ZNF836: variants seen among roughly 807,000 people sequenced by gnomAD.
The protein encoded by ZNF836 is zinc finger protein 836.
ZNF836 carries 12 observed loss-of-function variants against 7.4 expected under a neutral mutation model. The ratio of observed to expected loss-of-function variants is 1.61; its 90% CI spans 1.03 to 2.61. The LOEUF (loss-of-function observed/expected upper bound fraction) is 2.61, where lower values mean the gene tolerates loss of function less well. ZNF836 is among the 30% of genes most tolerant of loss of function. ZNF836 has a pLI of 0.00. For synonymous variants in ZNF836, 365 were observed against 382.6 expected (o/e 0.95, Z 0.54); for missense variants, 998 against 1,126.2 (o/e 0.89, Z 1.63).
chr19:52,157,577 GT>G (rs768205821), intron 4 of ZNF836, 37 bp from the exon 5 acceptor site: 29,853 of 1,153,564 alleles, frequency 0.026, 185 homozygotes, highest in Non-Finnish European at 0.028. Context: ...TTTTTCGTTG[GT>G]TTTTTTTTTT....
chr19:52,157,969 T>C (rs1356947790), intron 4 of ZNF836, among the ~76,000 whole-genome samples: 1 of 152,116 alleles, frequency 6.6e-6, no homozygotes, highest in African/African-American at 2.4e-5. Context: ...AAAAGTAACG[T>C]TTATACTAGA....
chr19:52,167,990 C>T (rs886415744), intron 3 of ZNF836, 68 bp downstream of exon 3: 17 of 1,227,588 alleles, frequency 1.4e-5, no homozygotes, highest in Non-Finnish European at 1.9e-5. Flanking sequence ...AGAGGAGATT[C>T]GCAACTCCAA....
chr19:52,167,520 C>T (rs556754298), intron 3 of ZNF836, among the ~76,000 whole-genome samples: 5 of 150,604 alleles, frequency 3.3e-5, no homozygotes, highest in African/African-American at 1.2e-4. Context: ...TAAACACCCT[C>T]TATCACTGAC....
At chr19:52,164,816 A>T (rs1369787104) in intron 3 of ZNF836, among the ~76,000 whole-genome samples, 1 of 152,168 alleles carries the variant, frequency 6.6e-6, no homozygotes, top group African/African-American at 2.4e-5. Flanking sequence ...GGCTGGGTTC[A>T]ATGGCTCATG....
At position 52,161,075 on chromosome 19, in the gene ZNF836, A is replaced by C. The variant is rs1347590163; in HGVS notation, c.16-484T>G. 1.3e-5 allele frequency among the ~76,000 whole-genome samples: 2 copies of C among 152,186 alleles called. No individual in the cohort carries two copies. The highest frequency in any genetic ancestry group is 6.5e-5 in the Admixed American group (1 of 15,278). ...CTTTACATGTTCTAATTCAAATAAT[A>C]ACATAATAGATAGAGAGATAGAGAG... On this transcript the variant is annotated intron_variant, in intron 3 of 4. Transcript: ENST00000682614. The surrounding 1 kb of genome is among the most constrained non-coding windows in gnomAD (Gnocchi z 4.1).
At chr19:52,157,654 TC>T in intron 4 of ZNF836, 114 bp from the exon 5 acceptor site, 1 of 1,011,954 alleles carries the variant, frequency 9.9e-7, no homozygotes, top group Non-Finnish European at 1.3e-6. Context: ...CACTGTGACC[TC>T]CACCTCCTGG....
chr19:52,165,000 G>A (rs2089250193), intron 3 of ZNF836, among the ~76,000 whole-genome samples: 1 of 152,148 alleles, frequency 6.6e-6, no homozygotes, highest in African/African-American at 2.4e-5. Flanking sequence ...TGTGGCAGGA[G>A]GATCCCTTAA....
rs139619574 is a variant in ZNF836, at chr19:52,155,469, C to T, written c.2214G>A (p.Thr738=). The change falls in exon 5 of 5, where the codon ACG becomes ACA. Residue 738 remains threonine, a synonymous_variant. Coordinates refer to ENST00000682614, the MANE Select transcript of ZNF836 (RefSeq NM_001102657.3). The part of the protein sequence containing the change: ...GRTFSHITGL[T]YHQRRHTGEM... ...CTCCAGTATGCCTTCTCTGATGGTA[C>T]GTCAGGCCTGTTATATGACTAAAAG... 50 of 1,613,904 alleles carry T rather than the reference C, an allele frequency of 3.1e-5. No individual in the cohort carries two copies. The African/African-American group carries it at 4.3e-4, about 14-fold the overall frequency.
chr19:52,164,817 A>G (rs1483236612), intron 3 of ZNF836, among the ~76,000 whole-genome samples: 2 of 152,104 alleles, frequency 1.3e-5, no homozygotes, highest in Admixed American at 6.6e-5. Context: ...GCTGGGTTCA[A>G]TGGCTCATGC....
intron 3 of ZNF836, 134 bp downstream of exon 3, chr19:52,167,924 T>G: frequency 1.4e-6 from 1 of 706,088 alleles, no homozygotes; most frequent in Non-Finnish European, 2.5e-6. Context: ...TGAGAGAAAC[T>G]GAGGGAAGGC....
chr19:52,167,472 C>CAAAA (rs1165727472), intron 3 of ZNF836, among the ~76,000 whole-genome samples: 16 of 44,036 alleles, frequency 3.6e-4, no homozygotes, highest in African/African-American at 6.7e-4. Flanking sequence ...AACTCCGTCT[C>CAAAA]AAAAAAAAAA....
intron 3 of ZNF836, 43 bp from the exon 4 acceptor site, chr19:52,160,634 C>G (rs772113721): frequency 1.6e-5 from 25 of 1,556,640 alleles, no homozygotes; most frequent in Non-Finnish European, 2.2e-5. Flanking sequence ...TGGGAGAGCT[C>G]TTATCTATAC....
chr19:52,163,932 T>C (rs1241798973), intron 3 of ZNF836, among the ~76,000 whole-genome samples: 1 of 151,756 alleles, frequency 6.6e-6, no homozygotes, highest in East Asian at 1.9e-4. Flanking sequence ...CAGAAAATTA[T>C]AATTGTGTGT....
rs771542281 is a variant in ZNF836 at position 52,155,364 on chromosome 19, A to G, written c.2319T>C (p.Thr773=). The change falls in exon 5 of 5, where the codon ACT becomes ACC. Residue 773 remains threonine, a synonymous_variant. Transcript: ENST00000682614. ...SNLARHRRIH[T]GEKPYKCNEC... ...CATTACATTTGTAAGGTTTCTCTCC[A>G]GTGTGAATTCTCCGATGCCTTGCAA... The G allele has an allele frequency of 1.4e-5, 22 of 1,613,934 alleles. No individual in the cohort carries two copies. The Admixed American group carries it at 3.5e-4, about 26-fold the overall frequency.
chr19:52,167,896 G>C (rs1461387499), intron 3 of ZNF836, among the ~76,000 whole-genome samples, 162 bp downstream of exon 3: 1 of 152,160 alleles, frequency 6.6e-6, no homozygotes, highest in East Asian at 1.9e-4. Context: ...GTCGCAGTGA[G>C]ATAGAAGCTA....
intron 3 of ZNF836, chr19:52,165,351 A>C (rs2089253713): frequency 6.6e-6 from 1 of 152,216 alleles, no homozygotes; most frequent in Non-Finnish European, 1.5e-5. Flanking sequence ...TAACAGCAAA[A>C]AACAGTAAAA....
At chr19:52,163,637 A>G (rs541343084) in intron 3 of ZNF836, among the ~76,000 whole-genome samples, 16 of 152,280 alleles carry the variant, frequency 1.1e-4, no homozygotes, top group African/African-American at 3.4e-4. Flanking sequence ...ATTTGGGTGG[A>G]GACACAACCA....
rs1287032826 is a variant in ZNF836, at chr19:52,156,479, C to A, written c.1204G>T (p.Ala402Ser). ...CCACTATGAACTGTCTGATGAGTTG[C>A]CAGGTTGGAACTTTGACTAAAGGAC... ...GKSFSQSSNL[A>S]THQTVHSGNK... is the part of the protein sequence containing the mutation. The change falls in exon 5 of 5, where the codon GCA (alanine) becomes TCA (serine). Residue 402 changes from alanine to serine, a missense_variant. Ala to Ser is a moderately conservative substitution (Grantham distance 99). Coordinates refer to ENST00000682614, the MANE Select transcript of ZNF836 (RefSeq NM_001102657.3). 18 of 1,613,918 alleles carry A rather than the reference C, an allele frequency of 1.1e-5. No individual in the cohort carries two copies. In the Admixed American group the frequency reaches 3.0e-4, roughly 27 times the overall value.
intron 3 of ZNF836, among the ~76,000 whole-genome samples, chr19:52,164,503 AAGAAAG>A (rs1330136266): frequency 4.5e-5 from 1 of 22,112 alleles, no homozygotes; most frequent in Non-Finnish European, 1.1e-4. Context: ...AAAAGAGAGA[AAGAAAG>A]AAAGACTAGA....
Sources: gnomAD v4.1 joint callset for allele counts (sites outside exome capture counted in the v4.1 genomes callset) on GRCh38, gnomAD v4.1.1 for gene constraint, Gnocchi (gnomAD v3.1) non-coding constraint, MANE v1.5 for transcripts, NCBI Gene and HGNC (gene_info 2026-07-23, HGNC 2026-07-21) for gene names.